SLC6A7: variants seen among roughly 807,000 people sequenced by gnomAD.
SLC6A7 encodes solute carrier family 6 member 7.
SLC6A7 carries 58 observed loss-of-function variants against 73.1 expected under a neutral mutation model. That is an observed-to-expected ratio of 0.79 (90% CI 0.64 to 0.99). The LOEUF (loss-of-function observed/expected upper bound fraction) is 0.99. SLC6A7 is among the 50% of genes least tolerant of loss of function. The pLI is 0.00. For missense variants in SLC6A7, 783 were observed against 831.4 expected (o/e 0.94, Z 0.72); for synonymous variants, 338 against 338.7 (o/e 1.00, Z 0.02).
At chr5:150,202,242 C>T (rs903716406) in intron 6 of SLC6A7, 105 bp from the exon 7 acceptor site, 18 of 800,802 alleles carry the variant, frequency 2.2e-5, no homozygotes, top group African/African-American at 1.0e-4. Context: ...CGCCATCCCT[C>T]GTGACCACGC....
intron 13 of SLC6A7, among the ~76,000 whole-genome samples, chr5:150,207,484 C>T (rs771536507): frequency 4.6e-5 from 7 of 152,176 alleles, no homozygotes; most frequent in Admixed American, 6.5e-5. Context: ...TCAAGTGATC[C>T]GCGCACTTCG....
At chr5:150,202,982 G>A (rs1168281738) in intron 8 of SLC6A7, among the ~76,000 whole-genome samples, 1 of 152,058 alleles carries the variant, frequency 6.6e-6, no homozygotes, top group African/African-American at 2.4e-5. Context: ...GCTGAGGCAG[G>A]AGAATCGCTT....
At chr5:150,194,584 T>A in intron 1 of SLC6A7, 144 bp from the exon 2 acceptor site, 1 of 666,564 alleles carries the variant, frequency 1.5e-6, no homozygotes. Flanking sequence ...ATGACAAGGT[T>A]AGTCCAGTTG....
chr5:150,192,469 G>A (rs1382985247), intron 1 of SLC6A7, among the ~76,000 whole-genome samples: 1 of 152,186 alleles, frequency 6.6e-6, no homozygotes, highest in East Asian at 1.9e-4. Flanking sequence ...CCAGGAAGAA[G>A]TATGAAGCAA....
At position 150,190,717 on chromosome 5, in the gene SLC6A7, G is replaced by C. The variant is rs576730855; in HGVS notation, c.33+357G>C. On this transcript the variant is annotated intron_variant, in intron 1 of 13. Transcript: ENST00000230671. ...CCCCGCCAGGAGCTGATTGCCGGGTGTGGGGGGTATTGGAATACCTGAGCG... is the reference window on the plus strand; with the variant it reads ...CCCCGCCAGGAGCTGATTGCCGGGTCTGGGGGGTATTGGAATACCTGAGCG... Among the ~76,000 whole-genome samples, 5 of 152,318 alleles carry C rather than the reference G, an allele frequency of 3.3e-5. No individual in the cohort carries two copies. In the South Asian group the frequency reaches 1.0e-3, roughly 32 times the overall value.
rs941329301 is a variant in SLC6A7 at position 150,210,050 on chromosome 5, C to T, written c.*435C>T. The T allele has an allele frequency of 4.4e-5, 9 of 203,590 alleles. No individual in the cohort carries two copies. The highest frequency in any genetic ancestry group is 2.0e-5 in the Non-Finnish European group (2 of 98,264). 12.6% of individuals were successfully genotyped at this position (203,590 alleles called of 1,614,324 possible). A position where few individuals can be genotyped will look rare whatever the true frequency, so the allele number is the denominator to read the frequency against. ...TTGGGGGGAGCCTGTCCCCACACAC[C>T]TTAGCACAACCAGAATCTTGAGTTG... On this transcript the variant is annotated 3_prime_UTR_variant, in exon 14 of 14. Transcript: ENST00000230671.
rs961258991 is a variant in SLC6A7, at chr5:150,203,965, G to A, written c.1259G>A (p.Arg420Gln). ...AVTDEFPYYLRPKKAVFSGLI... is the reference protein window; with the variant it reads ...AVTDEFPYYLQPKKAVFSGLI... ...ACAGATGAGTTCCCATACTACCTGC[G>A]GCCCAAGAAGGCGGTGTTCTCAGGG... The change falls in exon 10 of 14, where the codon CGG becomes CAG. Residue 420 changes from arginine (R) to glutamine (Q), a missense_variant. Coordinates refer to ENST00000230671, the MANE Select transcript of SLC6A7 (RefSeq NM_014228.5). 12 of 1,613,576 alleles carry A rather than the reference G, an allele frequency of 7.4e-6. No homozygotes were observed. Among genetic ancestry groups the A allele is most frequent in the Admixed American group, 1.7e-5 (1 of 59,938 alleles).
chr5:150,202,333 C>A lies in SLC6A7; in HGVS notation c.859-14C>A. The A allele has an allele frequency of 6.3e-7, 1 of 1,592,004 alleles. No individual in the cohort carries two copies. Among genetic ancestry groups the A allele is most frequent in the South Asian group, 1.1e-5 (1 of 90,590 alleles). On this transcript the variant is annotated splice_polypyrimidine_tract_variant and intron_variant, in intron 6 of 13. Transcript: ENST00000230671. The stretch of plus-strand genomic sequence containing the variant: ...CCATCCGCACACCCTCCCTTTCCAT[C>A]CTTCCCGGCACAGGTGTGGATTGAA...
chr5:150,206,107 A>G (rs922123744), intron 13 of SLC6A7, among the ~76,000 whole-genome samples: 7 of 152,082 alleles, frequency 4.6e-5, no homozygotes, highest in African/African-American at 7.2e-5. Context: ...GAGAGAGTGC[A>G]CTCTGCCACA....
chr5:150,209,100 G>T (rs1053943536), intron 13 of SLC6A7, among the ~76,000 whole-genome samples: 6 of 152,248 alleles, frequency 3.9e-5, no homozygotes, highest in African/African-American at 1.4e-4. Context: ...CGTCATCTCA[G>T]TGCCTTCACA....
intron 12 of SLC6A7, 50 bp from the exon 13 acceptor site, chr5:150,205,406 A>AT: frequency 6.6e-7 from 1 of 1,518,746 alleles, no homozygotes; most frequent in South Asian, 1.3e-5. Flanking sequence ...TCGGGCCTTA[A>AT]GCAGTTTAGA....
chr5:150,192,989 G>C (rs1483560485), intron 1 of SLC6A7, among the ~76,000 whole-genome samples: 1 of 152,200 alleles, frequency 6.6e-6, no homozygotes, highest in East Asian at 1.9e-4. Flanking sequence ...AGGGAACGGG[G>C]CATTGGAGGG....
rs758225742 is a variant in SLC6A7, at chr5:150,201,162, G to C, written c.797G>C (p.Gly266Ala). 1 of 1,613,752 alleles carries C rather than the reference G, an allele frequency of 6.2e-7. No individual in the cohort carries two copies. Among genetic ancestry groups the C allele is most frequent in the Admixed American group, 1.7e-5 (1 of 59,982 alleles). The change falls in exon 6 of 14, where the codon GGG (glycine) becomes GCG (alanine). Residue 266 changes from glycine to alanine, a missense_variant. Gly to Ala is a moderately conservative substitution (Grantham distance 60). Transcript: ENST00000230671. Reference protein sequence around the residue: ...MLLVRGVTLPGAWKGIQFYLT... With the variant: ...MLLVRGVTLPAAWKGIQFYLT... ...CTGGTCCGCGGAGTCACCCTCCCAG[G>C]GGCCTGGAAGGGCATCCAGTTCTAT...
At chr5:150,192,578 A>G (rs1489411345) in intron 1 of SLC6A7, among the ~76,000 whole-genome samples, 1 of 152,122 alleles carries the variant, frequency 6.6e-6, no homozygotes, top group African/African-American at 2.4e-5. Flanking sequence ...GATTCACCCC[A>G]TGGTGGGGTT....
Position 150,205,436 on chromosome 5 carries a change from TG to T in SLC6A7, c.1534-17del. On this transcript the variant is annotated intron_variant, in intron 12 of 13. Coordinates refer to ENST00000230671, the MANE Select transcript of SLC6A7 (RefSeq NM_014228.5). ...TTTAGACAAAAGCCCGCAGTGATGC[TG>T]GGAGTCCCCACTCTGCAGGCCCTCA... 1 of 1,572,730 alleles carries T rather than the reference TG, an allele frequency of 6.4e-7. No homozygotes were observed. The highest frequency in any genetic ancestry group is 8.6e-7 in the Non-Finnish European group (1 of 1,157,406).
chr5:150,199,187 G>A (rs558712399), intron 4 of SLC6A7, 41 bp from the exon 5 acceptor site: 1 of 1,540,420 alleles, frequency 6.5e-7, no homozygotes, highest in South Asian at 1.3e-5. Context: ...GTGGAGCCTG[G>A]TGGGGTGACC....
Position 150,204,035 on chromosome 5 carries a change from T to C in SLC6A7, c.1329T>C (p.Thr443=). The change falls in exon 10 of 14, where the codon ACT becomes ACC. Residue 443 remains threonine, a synonymous_variant. Coordinates refer to ENST00000230671, the MANE Select transcript of SLC6A7 (RefSeq NM_014228.5). ...AMYLMGLILT[T]DGGMYWLVLL... ...ACCTGATGGGGCTGATCCTCACCAC[T>C]GATGTGAGTGGCGCTACAGGGAGGA... 2 of 1,612,740 alleles carry C rather than the reference T, an allele frequency of 1.2e-6. No homozygotes were observed. Among genetic ancestry groups the C allele is most frequent in the Non-Finnish European group, 1.7e-6 (2 of 1,179,474 alleles).
intron 13 of SLC6A7, among the ~76,000 whole-genome samples, chr5:150,207,197 C>T (rs574429367): frequency 7.9e-5 from 12 of 152,148 alleles, no homozygotes; most frequent in Admixed American, 2.0e-4. Context: ...GTCACCCAGG[C>T]TGGAGTGCAG....
rs770479600 is a variant in SLC6A7 at position 150,204,524 on chromosome 5, T to C, written c.1333-8T>C. ...GAAGGGGACACCAGAACTGTGCTTG[T>C]GTTTTAGGGGGGCATGTACTGGCTG... On this transcript the variant is annotated splice_region_variant and splice_polypyrimidine_tract_variant and intron_variant, in intron 10 of 13. Transcript: ENST00000230671. 3 of 1,607,356 alleles carry C rather than the reference T, an allele frequency of 1.9e-6. No homozygotes were observed. Among genetic ancestry groups the C allele is most frequent in the Admixed American group, 1.7e-5 (1 of 60,004 alleles).
Sources: gnomAD v4.1 joint callset for allele counts (sites outside exome capture counted in the v4.1 genomes callset) on GRCh38, gnomAD v4.1.1 for gene constraint, MANE v1.5 for transcripts, NCBI Gene and HGNC (gene_info 2026-07-23, HGNC 2026-07-21) for gene names.